The following RIN2 variants were observed in gnomAD, a reference collection of about 807,000 sequenced individuals.
The protein encoded by RIN2 is RAB5 interacting protein 2.
In RIN2, 36 loss-of-function variants were observed where a neutral mutation model predicts 78.0. That is an observed-to-expected ratio of 0.46 (90% CI 0.35 to 0.61). RIN2 has a LOEUF of 0.61. Among genes scored for constraint, RIN2 ranks in the 20% least tolerant of loss-of-function variants. RIN2 has a pLI of 0.00. For missense variants in RIN2, 1,087 were observed against 1,159.7 expected (o/e 0.94, Z 0.91); for synonymous variants, 466 against 466.8 (o/e 1.00, Z 0.02).
intron 12 of RIN2, among the ~76,000 whole-genome samples, chr20:19,997,905 G>A (rs185535424): frequency 5.9e-5 from 9 of 151,926 alleles, no homozygotes; most frequent in African/African-American, 2.2e-4. Flanking sequence ...TTGTTTCTAT[G>A]TTCCCCATGA....
At chr20:19,952,941 C>T (rs1459875526) in intron 4 of RIN2, among the ~76,000 whole-genome samples, 1 of 152,146 alleles carries the variant, frequency 6.6e-6, no homozygotes, top group Non-Finnish European at 1.5e-5. Context: ...CAGTGTTGTC[C>T]TCAGATTGGT....
chr20:19,836,586 G>A (rs572059682), intron 2 of RIN2, among the ~76,000 whole-genome samples: 45 of 152,110 alleles, frequency 3.0e-4, no homozygotes, highest in African/African-American at 1.1e-3. Context: ...TACCAATTAG[G>A]AGACCATGAG....
At chr20:19,868,850 G>C (rs796629563) in intron 2 of RIN2, among the ~76,000 whole-genome samples, 68 of 152,248 alleles carry the variant, frequency 4.5e-4, no homozygotes, top group African/African-American at 1.6e-3. Flanking sequence ...AGAGGCCAAG[G>C]GGGGTGGATC....
chr20:19,792,664 G>A (rs1159068808), intron 1 of RIN2, among the ~76,000 whole-genome samples: 1 of 152,206 alleles, frequency 6.6e-6, no homozygotes, highest in African/African-American at 2.4e-5. Context: ...TGATTGACAA[G>A]CCAAAGAAGA....
intron 3 of RIN2, among the ~76,000 whole-genome samples, chr20:19,906,027 A>T (rs183012316): frequency 3.6e-3 from 549 of 152,314 alleles, no homozygotes; most frequent in Non-Finnish European, 6.2e-3. Context: ...TGCCAGGGCC[A>T]TGAATCTATA....
At chr20:19,823,728 C>T in intron 2 of RIN2, 1 of 1,590,446 alleles carries the variant, frequency 6.3e-7, no homozygotes, top group South Asian at 1.1e-5. Flanking sequence ...AAGGCACCAC[C>T]TCAATCTGGG....
chr20:19,817,046 G>A (rs1234196843), intron 2 of RIN2, among the ~76,000 whole-genome samples: 1 of 152,112 alleles, frequency 6.6e-6, no homozygotes, highest in African/African-American at 2.4e-5. Flanking sequence ...GTGTACATTT[G>A]CTAGAGCTGG....
At chr20:19,764,943 T>TTTTG (rs10686760) in intron 1 of RIN2, among the ~76,000 whole-genome samples, 1 of 132,606 alleles carries the variant, frequency 7.5e-6, no homozygotes, top group African/African-American at 2.8e-5. Flanking sequence ...TTTTTTTTTT[T>TTTTG]GACAGAGTCT....
At chr20:19,912,429 C>G (rs2039508778) in intron 3 of RIN2, among the ~76,000 whole-genome samples, 1 of 151,750 alleles carries the variant, frequency 6.6e-6, no homozygotes, top group South Asian at 2.1e-4. Flanking sequence ...GGAAAAGCCC[C>G]TGCATCCATT....
chr20:19,758,933 G>C (rs1247148408), intron 1 of RIN2, among the ~76,000 whole-genome samples: 1 of 152,238 alleles, frequency 6.6e-6, no homozygotes, highest in Non-Finnish European at 1.5e-5. Flanking sequence ...CGGGCAGGGG[G>C]CACTTGGGCT....
intron 2 of RIN2, among the ~76,000 whole-genome samples, chr20:19,870,096 G>A (rs1235397835): frequency 6.6e-6 from 1 of 152,048 alleles, no homozygotes; most frequent in Non-Finnish European, 1.5e-5. Context: ...GTAGATTGTA[G>A]CCATCAGGCC....
At chr20:19,976,725 T>C (rs1206344805) in intron 9 of RIN2, among the ~76,000 whole-genome samples, 1 of 152,206 alleles carries the variant, frequency 6.6e-6, no homozygotes, top group Non-Finnish European at 1.5e-5. Context: ...CCTTTGGAGC[T>C]ACCAAACATT....
At chr20:19,907,520 C>T (rs2039271003) in intron 3 of RIN2, among the ~76,000 whole-genome samples, 1 of 152,186 alleles carries the variant, frequency 6.6e-6, no homozygotes, top group South Asian at 2.1e-4. Context: ...AAGGAAGTTC[C>T]ACCCATCACC....
chr20:19,761,611 T>G (rs1347811334), intron 1 of RIN2, among the ~76,000 whole-genome samples: 1 of 152,188 alleles, frequency 6.6e-6, no homozygotes, highest in East Asian at 1.9e-4. Flanking sequence ...CTAGGCCAAC[T>G]TCCAAGGAAT....
rs1232176696 is a variant in RIN2, at chr20:19,844,669, C to CTT, written c.-36-44897_-36-44896insTT. Among the ~76,000 whole-genome samples the CTT allele has an allele frequency of 2.7e-3, 205 of 76,060 alleles. 1 individual carries two copies. The highest frequency in any genetic ancestry group is 0.016 in the East Asian group (39 of 2,366). 49.9% of individuals were successfully genotyped at this position (76,060 alleles called of 152,430 possible). ...TCTTCTTCTTCTTCTTCTTCTTCTT[C>CTT]CTTCTTCTTCTTCTTCCTCTTCCTC... On this transcript the variant is annotated intron_variant, in intron 2 of 12. Coordinates refer to ENST00000255006, the MANE Select transcript of RIN2 (RefSeq NM_018993.4).
Position 19,964,967 on chromosome 20 carries a change from G to C in RIN2, c.479G>C (p.Gly160Ala), listed in dbSNP as rs374144324. ...TCTTTTCCAGCCTTTTCCCTGGAAG[G>C]CTCAGGAATCAGTTTCGCAGATTTA... is the stretch of plus-strand genomic sequence containing the variant. ...KESTYTFSLE[G>A]SGISFADLFR... Residue 160 changes from glycine (G) to alanine (A), a missense_variant, in exon 7 of 13, where the codon GGC becomes GCC. Gly to Ala is a moderately conservative substitution (Grantham distance 60). Coordinates refer to ENST00000255006, the MANE Select transcript of RIN2 (RefSeq NM_018993.4). 53 of 1,613,456 alleles carry C rather than the reference G, an allele frequency of 3.3e-5. No individual in the cohort carries two copies. Among genetic ancestry groups the C allele is most frequent in the African/African-American group, 1.5e-4 (11 of 74,918 alleles).
intron 2 of RIN2, among the ~76,000 whole-genome samples, chr20:19,821,659 G>GCT (rs59384906): frequency 0.13 from 19,165 of 149,690 alleles, 1,853 homozygotes; most frequent in African/African-American, 0.28. Flanking sequence ...TCCTCACGCT[G>GCT]CTCTCTCTCT....
chr20:19,942,179 G>A (rs527797701), intron 4 of RIN2, among the ~76,000 whole-genome samples: 60 of 151,718 alleles, frequency 4.0e-4, no homozygotes, highest in Non-Finnish European at 6.9e-4. Flanking sequence ...TGAGAGTGGA[G>A]CCTGAAGATT....
chr20:19,958,293 A>T (rs1358473555), intron 5 of RIN2, among the ~76,000 whole-genome samples: 1 of 152,238 alleles, frequency 6.6e-6, no homozygotes, highest in African/African-American at 2.4e-5. Flanking sequence ...GGATTTCCTC[A>T]CCTTCTGTGA....
Sources: gnomAD v4.1 joint callset for allele counts (sites outside exome capture counted in the v4.1 genomes callset) on GRCh38, gnomAD v4.1.1 for gene constraint, MANE v1.5 for transcripts, NCBI Gene and HGNC (gene_info 2026-07-23, HGNC 2026-07-21) for gene names.